The following CHD5 variants were observed in gnomAD, a reference collection of about 807,000 sequenced individuals.
The protein encoded by CHD5 is chromodomain helicase DNA binding protein 5.
Under a neutral mutation model 230.3 loss-of-function variants are expected in CHD5, and 69 were observed. The observed-to-expected ratio is 0.30, with a 90% CI of 0.25 to 0.37. The LOEUF (loss-of-function observed/expected upper bound fraction) is 0.37, where lower values mean the gene tolerates loss of function less well. Ranked by LOEUF, CHD5 falls within the 10% of genes least tolerant of loss-of-function variation. CHD5 has a pLI of 1.00. For synonymous variants in CHD5, 1,064 were observed against 1,065.9 expected (o/e 1.00, Z 0.03); for missense variants, 1,827 against 2,622.8 (o/e 0.70, Z 6.63).
intron 36 of CHD5, 124 bp downstream of exon 36, chr1:6,111,651 C>G: frequency 1.4e-6 from 1 of 736,200 alleles, no homozygotes; most frequent in Non-Finnish European, 2.3e-6. Context: ...TTCTAGCCAC[C>G]GCCAGAAGTG....
At position 6,112,362 on chromosome 1, in the gene CHD5, A is replaced by C. The variant is rs1666306219; in HGVS notation, c.5003-85T>G. The C allele has an allele frequency of 2.0e-5, 30 of 1,533,624 alleles. No homozygotes were observed. In the South Asian group the frequency reaches 3.5e-4, roughly 18 times the overall value. ...TCTCTCTGCCAAGCACGGGGGACCC[A>C]GGAGGCAAGTAGAAAACATCCTCTT... On this transcript the variant is annotated intron_variant, in intron 34 of 41. Transcript: ENST00000262450.
In CHD5 at chr1:6,106,325, T is replaced by TGGC. The variant is rs767151946; in HGVS notation, c.5858-41_5858-39dup. ...GAGGAGAGCCGGGCTTGCCTGACGT[T>TGGC]GGCAGCAGCAGGCAGGCCGGGCCCG... On this transcript the variant is annotated intron_variant, in intron 40 of 41. Coordinates refer to ENST00000262450, the MANE Select transcript of CHD5 (RefSeq NM_015557.3). 2.5e-5 allele frequency: 41 copies of TGGC among 1,612,682 alleles called. No individual in the cohort carries two copies. In the East Asian group the frequency reaches 6.9e-4, roughly 27 times the overall value.
chr1:6,156,757 G>C (rs1557557882), intron 3 of CHD5, among the ~76,000 whole-genome samples: 1 of 152,024 alleles, frequency 6.6e-6, no homozygotes, highest in African/African-American at 2.4e-5. Flanking sequence ...GCACAGCCCT[G>C]AGAGGATCCA....
intron 1 of CHD5, among the ~76,000 whole-genome samples, chr1:6,173,399 C>T (rs1327594238): frequency 3.3e-5 from 5 of 152,136 alleles, no homozygotes; most frequent in African/African-American, 1.2e-4. Context: ...CCACCGCGCC[C>T]GGCCGAGAGG....
Position 6,106,493 on chromosome 1 carries a change from G to T in CHD5, c.5759C>A (p.Ser1920Tyr), listed in dbSNP as rs1226449269. 6.4e-7 allele frequency: 1 copy of T among 1,553,278 alleles called. No individual in the cohort carries two copies. Among genetic ancestry groups the T allele is most frequent in the Non-Finnish European group, 8.7e-7 (1 of 1,148,518 alleles). Residue 1920 changes from serine (S) to tyrosine (Y), a missense_variant, in exon 40 of 42, where the codon TCC becomes TAC. Coordinates refer to ENST00000262450, the MANE Select transcript of CHD5 (RefSeq NM_015557.3). ...PTIQQGAFGS[S>Y]QMYSNNFGPN... ...CCCAAAGTTGTTGCTGTACATCTGG[G>T]AGGAGCCGAAAGCGCCCTGGAGGCA...
rs545081705 is a variant in CHD5 at position 6,161,336 on chromosome 1, CA to C, written c.208-1822del. On this transcript the variant is annotated intron_variant, in intron 2 of 41. Transcript: ENST00000262450. ...TCGTGGAGGGGGAGACGGTCACTGACAGGGGAGGTGGGGGCCCCCTCTGACA... is the reference window on the plus strand; with the variant it reads ...TCGTGGAGGGGGAGACGGTCACTGACGGGGAGGTGGGGGCCCCCTCTGACA... Among the ~76,000 whole-genome samples the C allele has an allele frequency of 1.4e-3, 211 of 152,298 alleles. 1 individual carries two copies. The highest frequency in any genetic ancestry group is 4.9e-3 in the African/African-American group (205 of 41,560).
intron 5 of CHD5, among the ~76,000 whole-genome samples, chr1:6,153,435 C>G (rs1470936470): frequency 6.6e-6 from 1 of 152,196 alleles, no homozygotes; most frequent in Non-Finnish European, 1.5e-5. Flanking sequence ...AGGCTCCCTT[C>G]AGAGACTTGG....
rs1229327367 is a variant in CHD5 at position 6,179,712 on chromosome 1, C to T, written c.79+233G>A. 4.8e-5 allele frequency among the ~76,000 whole-genome samples: 7 copies of T among 145,364 alleles called. No homozygotes were observed. The South Asian group carries it at 1.1e-3, about 22-fold the overall frequency. The stretch of plus-strand genomic sequence containing the variant: ...CTGGCCCGCGTCGCCGCCCGGGGGG[C>T]CCGGATCGCACCCCGCCCTTAGCCG... On this transcript the variant is annotated intron_variant, in intron 1 of 41. Coordinates refer to ENST00000262450, the MANE Select transcript of CHD5 (RefSeq NM_015557.3).
chr1:6,179,779 G>C lies in CHD5; in HGVS notation c.79+166C>G, dbSNP rs1177138686. 3.4e-5 allele frequency among the ~76,000 whole-genome samples: 5 copies of C among 146,576 alleles called. No individual in the cohort carries two copies. The East Asian group carries it at 9.8e-4, about 29-fold the overall frequency. On this transcript the variant is annotated intron_variant, in intron 1 of 41. Transcript: ENST00000262450. The stretch of plus-strand genomic sequence containing the variant: ...GGCGCTCACCCAGCCTTCGCCCTTG[G>C]CCGCGCGGCGCCAGCAGGGCGGGAG...
At chr1:6,122,665 C>T (rs1477042795) in intron 31 of CHD5, among the ~76,000 whole-genome samples, 2 of 152,198 alleles carry the variant, frequency 1.3e-5, no homozygotes, top group Non-Finnish European at 2.9e-5. Flanking sequence ...AACGTATGTC[C>T]ACGCAAAAAC....
At chr1:6,147,157 T>C (rs1883606) in intron 9 of CHD5, among the ~76,000 whole-genome samples, 68,650 of 152,152 alleles carry the variant, frequency 0.45, 17,532 homozygotes, top group African/African-American at 0.68. Context: ...GAGACTGCCA[T>C]GTGCATAGGA....
chr1:6,124,685 G>T, intron 29 of CHD5, 24 bp from the exon 30 acceptor site: 1 of 1,274,874 alleles, frequency 7.8e-7, no homozygotes, highest in Non-Finnish European at 1.1e-6. Context: ...GGGGGACTGG[G>T]GCTCAGGGAG....
In CHD5 at chr1:6,121,390, C is replaced by G. The variant is rs1156551564; in HGVS notation, c.4779+104G>C. On this transcript the variant is annotated intron_variant, in intron 32 of 41. Transcript: ENST00000262450. This position sits in a 1 kb window ranked among gnomAD's most constrained non-coding sequence, Gnocchi z 4.5. ...CGATTCAGAGCCCCGAAAAGGGAGC[C>G]AGGAGGCCTGGGTTCCACCTCGCTG... The G allele has an allele frequency of 6.7e-7, 1 of 1,484,912 alleles. No homozygotes were observed. The highest frequency in any genetic ancestry group is 9.3e-7 in the Non-Finnish European group (1 of 1,077,722). 92.0% of individuals were successfully genotyped at this position (1,484,912 alleles called of 1,614,324 possible). A position where few individuals can be genotyped will look rare whatever the true frequency, so the allele number is the denominator to read the frequency against.
chr1:6,167,221 C>T lies in CHD5; in HGVS notation c.207+929G>A, dbSNP rs1468811354. ...CGGGGCAGGTGGGAGGGGAGAAACA[C>T]TCCTGGCAGCGGTGGCTGGTGGAGC... On this transcript the variant is annotated intron_variant, in intron 2 of 41. Coordinates refer to ENST00000262450, the MANE Select transcript of CHD5 (RefSeq NM_015557.3). This position sits in a 1 kb window ranked among gnomAD's most constrained non-coding sequence, Gnocchi z 4.5. Among the ~76,000 whole-genome samples the T allele has an allele frequency of 6.6e-6, 1 of 152,080 alleles. No homozygotes were observed. The highest frequency in any genetic ancestry group is 1.5e-5 in the Non-Finnish European group (1 of 68,044).
chr1:6,129,490 AGG>A lies in CHD5; in HGVS notation c.3388-423_3388-422del. Among the ~76,000 whole-genome samples, 1 of 152,118 alleles carries A rather than the reference AGG, an allele frequency of 6.6e-6. No homozygotes were observed. Among genetic ancestry groups the A allele is most frequent in the Non-Finnish European group, 1.5e-5 (1 of 68,004 alleles). ...GCTGGAGACACGCAGCCACCTTCTG[AGG>A]GCAGCAAGGAGCTGAATCTGCCCAG... On this transcript the variant is annotated intron_variant, in intron 22 of 41. Transcript: ENST00000262450. The surrounding 1 kb of genome is among the most constrained non-coding windows in gnomAD (Gnocchi z 6.8).
rs201205010 is a variant in CHD5 at position 6,120,499 on chromosome 1, A to AT, written c.4912+605dup. 5.4e-4 allele frequency among the ~76,000 whole-genome samples: 79 copies of AT among 145,628 alleles called. No individual in the cohort carries two copies. In the South Asian group the frequency reaches 0.011, roughly 20 times the overall value. ...GCCCAGCCAACAGTCTCTACTAAAAATTAAAAAAAAAAAAAAAAAAATGGC... is the reference window on the plus strand; with the variant it reads ...GCCCAGCCAACAGTCTCTACTAAAAATTTAAAAAAAAAAAAAAAAAAATGGC... On this transcript the variant is annotated intron_variant, in intron 33 of 41. Coordinates refer to ENST00000262450, the MANE Select transcript of CHD5 (RefSeq NM_015557.3).
At position 6,124,546 on chromosome 1, in the gene CHD5, T is replaced by C; in HGVS notation, c.4510A>G (p.Ile1504Val). 1 of 1,613,878 alleles carries C rather than the reference T, an allele frequency of 6.2e-7. No homozygotes were observed. Among genetic ancestry groups the C allele is most frequent in the Non-Finnish European group, 8.5e-7 (1 of 1,179,978 alleles). The change falls in exon 30 of 42, where the codon ATC becomes GTC. Residue 1504 changes from isoleucine (I) to valine (V), a missense_variant. Ile to Val is a conservative substitution (Grantham distance 29, BLOSUM62 3). Transcript: ENST00000262450. ...GLSRQHVLTR[I>V]GVMSLVRKKV... is the part of the protein sequence containing the mutation. Reference sequence around the variant, plus strand: ...TTCCTAACTAGTGACATGACCCCGATGCGGGTCAGCACGTGCTGCCTGGAG... The same window carrying C: ...TTCCTAACTAGTGACATGACCCCGACGCGGGTCAGCACGTGCTGCCTGGAG...
Position 6,135,350 on chromosome 1 carries a change from A to C in CHD5, c.2750T>G (p.Ile917Ser). 1 of 1,614,092 alleles carries C rather than the reference A, an allele frequency of 6.2e-7. No homozygotes were observed. The highest frequency in any genetic ancestry group is 8.5e-7 in the Non-Finnish European group (1 of 1,180,004). ...EFADISKEDQ[I>S]KKLHDLLGPH... is the part of the protein sequence containing the mutation. ...CCCCAGCAGGTCATGCAGCTTCTTG[A>C]TCTGGTCTTCCTTGGAGATGTCAGC... is the stretch of plus-strand genomic sequence containing the variant. The change falls in exon 18 of 42, where the codon ATC (isoleucine) becomes AGC (serine). Residue 917 changes from isoleucine to serine, a missense_variant. Coordinates refer to ENST00000262450, the MANE Select transcript of CHD5 (RefSeq NM_015557.3).
At chr1:6,118,689 G>GTA (rs907967649) in intron 33 of CHD5, among the ~76,000 whole-genome samples, 2 of 147,764 alleles carry the variant, frequency 1.4e-5, no homozygotes, top group Admixed American at 1.3e-4. Flanking sequence ...ATAACAAATG[G>GTA]TATACTTCAT....
Sources: gnomAD v4.1 joint callset for allele counts (sites outside exome capture counted in the v4.1 genomes callset) on GRCh38, gnomAD v4.1.1 for gene constraint, Gnocchi (gnomAD v3.1) non-coding constraint, MANE v1.5 for transcripts, NCBI Gene and HGNC (gene_info 2026-07-23, HGNC 2026-07-21) for gene names.